The following RFX2 variants were observed in gnomAD, a reference collection of about 807,000 sequenced individuals.
The protein encoded by RFX2 is DNA-binding protein RFX2.
A neutral mutation model predicts 87.8 loss-of-function variants in RFX2; 20 were observed. The observed-to-expected ratio is 0.23, with a 90% confidence interval of 0.16 to 0.33. The LOEUF (loss-of-function observed/expected upper bound fraction) is 0.33, where lower values mean the gene tolerates loss of function less well. RFX2 is among the 10% of genes least tolerant of loss of function. The pLI, the probability that RFX2 is intolerant of heterozygous loss-of-function variation, is 1.00. For synonymous variants in RFX2, 397 were observed against 431.3 expected, an observed-to-expected ratio of 0.92 and a Z score of 0.98; for missense variants, 767 against 1,012.3, an observed-to-expected ratio of 0.76 and a Z score of 3.29.
intron 2 of RFX2, among the ~76,000 whole-genome samples, chr19:6,046,039 T>G (rs1271210820): frequency 1.3e-5 from 2 of 152,110 alleles, no homozygotes; most frequent in Non-Finnish European, 2.9e-5. Context: ...TGCTCCTAAC[T>G]TTTAGATTCC....
rs1304694018 is a variant in RFX2 at position 5,997,782 on chromosome 19, G to C, written c.1860-569C>G. Among the ~76,000 whole-genome samples, 1 of 152,186 alleles carries C rather than the reference G, an allele frequency of 6.6e-6. No individual in the cohort carries two copies. Among genetic ancestry groups the C allele is most frequent in the Non-Finnish European group, 1.5e-5 (1 of 68,038 alleles). On this transcript the variant is annotated intron_variant, in intron 15 of 17. Coordinates refer to ENST00000303657, the MANE Select transcript of RFX2 (RefSeq NM_000635.4). The surrounding 1 kb of genome is among the most constrained non-coding windows in gnomAD (Gnocchi z 4.2). Reference sequence around the variant, plus strand: ...TCAGCCCAGATCCAGTCCGCGTCCAGCCCTCAGCCTGTGTGCTGACAATGC... The same window carrying C: ...TCAGCCCAGATCCAGTCCGCGTCCACCCCTCAGCCTGTGTGCTGACAATGC...
intron 1 of RFX2, among the ~76,000 whole-genome samples, chr19:6,098,965 C>CCA (rs2088070749): frequency 1.9e-5 from 1 of 52,730 alleles, no homozygotes; most frequent in Non-Finnish European, 4.3e-5. Context: ...GCTTGAACCA[C>CCA]AAAAAAAAAA....
At chr19:6,068,899 G>A (rs2087553530) in intron 1 of RFX2, among the ~76,000 whole-genome samples, 1 of 152,142 alleles carries the variant, frequency 6.6e-6, no homozygotes, top group Non-Finnish European at 1.5e-5. Context: ...CAATCTGGAG[G>A]CTAATGTGAT....
At position 6,010,003 on chromosome 19, in the gene RFX2, T is replaced by G; in HGVS notation, c.1015+133A>C. 1 of 517,550 alleles carries G rather than the reference T, an allele frequency of 1.9e-6. No homozygotes were observed. Among genetic ancestry groups the G allele is most frequent in the Non-Finnish European group, 3.4e-6 (1 of 292,372 alleles). 32.1% of individuals were successfully genotyped at this position (517,550 alleles called of 1,614,324 possible). A position where few individuals can be genotyped will look rare whatever the true frequency, so the allele number is the denominator to read the frequency against. On this transcript the variant is annotated intron_variant, in intron 9 of 17. Coordinates refer to ENST00000303657, the MANE Select transcript of RFX2 (RefSeq NM_000635.4). The surrounding 1 kb of genome is among the most constrained non-coding windows in gnomAD (Gnocchi z 5.0). ...GAAGGTTTATCGAAAACTTTCTATTTGTCCGAAAAGGTGTCTCGTAAGAAA... is the reference window on the plus strand; with the variant it reads ...GAAGGTTTATCGAAAACTTTCTATTGGTCCGAAAAGGTGTCTCGTAAGAAA...
intron 1 of RFX2, among the ~76,000 whole-genome samples, chr19:6,095,616 G>A (rs2088009691): frequency 1.3e-5 from 2 of 152,110 alleles, no homozygotes; most frequent in Non-Finnish European, 2.9e-5. Context: ...AACAAGGGGA[G>A]GGTGTGTGGG....
intron 16 of RFX2, 77 bp from the exon 17 acceptor site, chr19:5,995,720 C>A: frequency 7.5e-7 from 1 of 1,329,892 alleles, no homozygotes; most frequent in Non-Finnish European, 1.1e-6. Context: ...GGATGCCGGC[C>A]CAACCTTGCC....
chr19:6,043,033 T>C (rs369363104), intron 3 of RFX2, among the ~76,000 whole-genome samples: 149 of 152,274 alleles, frequency 9.8e-4, no homozygotes, highest in African/African-American at 3.5e-3. Flanking sequence ...CCACTGAGCA[T>C]GGTATGCACT....
Position 5,995,625 on chromosome 19 carries a change from G to A in RFX2, c.2032C>T (p.Leu678=). 6.4e-7 allele frequency: 1 copy of A among 1,552,584 alleles called. No individual in the cohort carries two copies. Among genetic ancestry groups the A allele is most frequent in the South Asian group, 1.2e-5 (1 of 84,092 alleles). ...CCTTTGTCGAGCAGCGTCAGCGACAGAGAGGCGAGATCGTTGAACTGAAAG... is the reference window on the plus strand; with the variant it reads ...CCTTTGTCGAGCAGCGTCAGCGACAAAGAGGCGAGATCGTTGAACTGAAAG... The part of the protein sequence containing the change: ...VMGEFNDLAS[L]SLTLLDKDDM... The change falls in exon 17 of 18, where the codon CTG becomes TTG. Residue 678 remains leucine (L), a synonymous_variant. Coordinates refer to ENST00000303657, the MANE Select transcript of RFX2 (RefSeq NM_000635.4).
Position 6,026,136 on chromosome 19 carries a change from A to G in RFX2, c.597+27T>C, listed in dbSNP as rs1378561613. ...TGCAGGTTACAAGCAGAGCAGGGAC[A>G]GGTTGCCAGGTCAGACGCACACTTA... On this transcript the variant is annotated intron_variant, in intron 6 of 17. Coordinates refer to ENST00000303657, the MANE Select transcript of RFX2 (RefSeq NM_000635.4). The surrounding 1 kb of genome is among the most constrained non-coding windows in gnomAD (Gnocchi z 4.5). 6.3e-7 allele frequency: 1 copy of G among 1,583,440 alleles called. No individual in the cohort carries two copies. The highest frequency in any genetic ancestry group is 8.7e-7 in the Non-Finnish European group (1 of 1,153,728).
rs938328532 is a variant in RFX2, at chr19:6,083,668, G to C, written c.-9+26725C>G. 6.6e-6 allele frequency among the ~76,000 whole-genome samples: 1 copy of C among 151,758 alleles called. No homozygotes were observed. Among genetic ancestry groups the C allele is most frequent in the Non-Finnish European group, 1.5e-5 (1 of 67,972 alleles). ...GCTCACTGCAGCCTCCACTTCCAGAGCTCAAGTGATCCTCCTGCTCAGCTT... is the reference window on the plus strand; with the variant it reads ...GCTCACTGCAGCCTCCACTTCCAGACCTCAAGTGATCCTCCTGCTCAGCTT... On this transcript the variant is annotated intron_variant, in intron 1 of 17. Transcript: ENST00000303657. The surrounding 1 kb of genome is among the most constrained non-coding windows in gnomAD (Gnocchi z 4.6).
In RFX2 at chr19:6,090,525, T is replaced by C. The variant is rs572823265; in HGVS notation, c.-9+19868A>G. On this transcript the variant is annotated intron_variant, in intron 1 of 17. Transcript: ENST00000303657. ...TTCACACCTACGAGGCTGGTTATAC[T>C]AAAAACAGGGAAAAATAAAAGTGTT... Among the ~76,000 whole-genome samples the C allele has an allele frequency of 2.0e-5, 3 of 152,136 alleles. No homozygotes were observed. The South Asian group carries it at 6.2e-4, about 32-fold the overall frequency.
At chr19:6,092,668 G>A (rs1256186103) in intron 1 of RFX2, among the ~76,000 whole-genome samples, 1 of 151,622 alleles carries the variant, frequency 6.6e-6, no homozygotes, top group East Asian at 1.9e-4. Flanking sequence ...TCAGTCACAC[G>A]TGGACTGTAG....
rs527341420 is a variant in RFX2, at chr19:6,006,246, G to A, written c.1402+766C>T. 1.6e-4 allele frequency among the ~76,000 whole-genome samples: 25 copies of A among 151,964 alleles called. No individual in the cohort carries two copies. The East Asian group carries it at 2.9e-3, about 18-fold the overall frequency. On this transcript the variant is annotated intron_variant, in intron 12 of 17. Coordinates refer to ENST00000303657, the MANE Select transcript of RFX2 (RefSeq NM_000635.4). ...TGCGATCATAGCTTACTGCAGCCTC[G>A]ACCTCTTGGGCTCAGGTGATCCTCC...
chr19:6,107,946 G>A (rs936593689), intron 1 of RFX2, among the ~76,000 whole-genome samples: 1 of 152,102 alleles, frequency 6.6e-6, no homozygotes, highest in Non-Finnish European at 1.5e-5. Context: ...TGCCCTTCAC[G>A]CAGAAAGCAA....
In RFX2 at chr19:6,044,354, G is replaced by T; in HGVS notation, c.91-72C>A. The T allele has an allele frequency of 1.1e-6, 1 of 943,078 alleles. No individual in the cohort carries two copies. The allele number at this position is 943,078 out of a possible 1,614,324, so 58.4% of individuals were successfully genotyped here. A position where few individuals can be genotyped will look rare whatever the true frequency, so the allele number is the denominator to read the frequency against. Reference sequence around the variant, plus strand: ...TGCTGAGGATACACACAGAATGTAAGATGCTGTTTGTCTGTTCATGTGCTT... The same window carrying T: ...TGCTGAGGATACACACAGAATGTAATATGCTGTTTGTCTGTTCATGTGCTT... On this transcript the variant is annotated intron_variant, in intron 2 of 17. Transcript: ENST00000303657. This position sits in a 1 kb window ranked among gnomAD's most constrained non-coding sequence, Gnocchi z 5.3.
chr19:6,063,681 A>C lies in RFX2; in HGVS notation c.-8-16177T>G, dbSNP rs1470432766. Among the ~76,000 whole-genome samples the C allele has an allele frequency of 6.6e-6, 1 of 152,212 alleles. No individual in the cohort carries two copies. The highest frequency in any genetic ancestry group is 1.5e-5 in the Non-Finnish European group (1 of 68,020). ...CAGTGGGGAAACCCTCTCTCCAGTC[A>C]GCTTGTCATGTCATACAGGCTTTCC... On this transcript the variant is annotated intron_variant, in intron 1 of 17. Transcript: ENST00000303657. The surrounding 1 kb of genome is among the most constrained non-coding windows in gnomAD (Gnocchi z 4.0).
Position 6,056,229 on chromosome 19 carries a change from C to T in RFX2, c.-8-8725G>A, listed in dbSNP as rs563503043. Among the ~76,000 whole-genome samples the T allele has an allele frequency of 1.3e-3, 200 of 152,224 alleles. No homozygotes were observed. Among genetic ancestry groups the T allele is most frequent in the African/African-American group, 4.6e-3 (189 of 41,530 alleles). On this transcript the variant is annotated intron_variant, in intron 1 of 17. Transcript: ENST00000303657. This position sits in a 1 kb window ranked among gnomAD's most constrained non-coding sequence, Gnocchi z 4.6. ...AAAAATACAAGGGTGGAGAGGAGGA[C>T]GGAGAGTGGGTACAGGTATCCAGGT...
Position 6,007,791 on chromosome 19 carries a change from ATC to A in RFX2, c.1144_1145del (p.Asp382CysfsTer21), listed in dbSNP as rs1352244117. ...AGTGGAACTGGAGGTTCATCACCAC[ATC>A]TACAGTTGCCTAGGAATGAAGGGAC... ...VYRRHCEATV[D>X]VVMNLQFHYI... is the part of the protein sequence containing the mutation. On this transcript the variant is annotated frameshift_variant, in exon 11 of 18. Coordinates refer to ENST00000303657, the MANE Select transcript of RFX2 (RefSeq NM_000635.4). LOFTEE classifies it high-confidence loss of function. The surrounding 1 kb of genome is among the most constrained non-coding windows in gnomAD (Gnocchi z 8.2). 1 of 1,551,734 alleles carries A rather than the reference ATC, an allele frequency of 6.4e-7. No individual in the cohort carries two copies. Among genetic ancestry groups the A allele is most frequent in the African/African-American group, 1.4e-5 (1 of 73,110 alleles).
At position 6,002,468 on chromosome 19, in the gene RFX2, G is replaced by A. The variant is rs2086504120; in HGVS notation, c.1650+253C>T. Among the ~76,000 whole-genome samples, 1 of 152,228 alleles carries A rather than the reference G, an allele frequency of 6.6e-6. No homozygotes were observed. Among genetic ancestry groups the A allele is most frequent in the Non-Finnish European group, 1.5e-5 (1 of 68,046 alleles). On this transcript the variant is annotated intron_variant, in intron 14 of 17. Transcript: ENST00000303657. This position sits in a 1 kb window ranked among gnomAD's most constrained non-coding sequence, Gnocchi z 6.7. ...ACGTGGTGCCACGATCCTGGAAGCT[G>A]GGGGCCTTTGTGAGGAAAATGAGCA...
Sources: gnomAD v4.1 joint callset for allele counts (sites outside exome capture counted in the v4.1 genomes callset) on GRCh38, gnomAD v4.1.1 for gene constraint, Gnocchi (gnomAD v3.1) non-coding constraint, MANE v1.5 for transcripts, NCBI Gene and HGNC (gene_info 2026-07-23, HGNC 2026-07-21) for gene names.